LYZL2: variants seen among roughly 807,000 people sequenced by gnomAD.
LYZL2 encodes the protein lysozyme like 2.
In LYZL2, 13 loss-of-function variants were observed where a neutral mutation model predicts 17.1. The observed-to-expected ratio is 0.76, with a 90% CI of 0.49 to 1.21. The LOEUF (loss-of-function observed/expected upper bound fraction) is 1.21, where lower values mean the gene tolerates loss of function less well. Among genes scored for constraint, LYZL2 ranks in the 50% most tolerant of loss-of-function variants. LYZL2 has a pLI of 0.00. For missense variants in LYZL2, 166 were observed against 189.2 expected, an observed-to-expected ratio of 0.88 and a Z score of 0.72; for synonymous variants, 63 against 74.4, an observed-to-expected ratio of 0.85 and a Z score of 0.79.
At chr10:30,609,236 T>C (rs1838406552), downstream of LYZL2, among the ~76,000 whole-genome samples, 2 of 152,316 alleles carry the variant, frequency 1.3e-5, no homozygotes, top group Admixed American at 6.5e-5. Context: ...AGGCCTCAAG[T>C]AGCTTACAGG....
chr10:30,621,732 C>T (rs897729324), intron 3 of LYZL2, among the ~76,000 whole-genome samples: 2 of 152,018 alleles, frequency 1.3e-5, no homozygotes, highest in Non-Finnish European at 2.9e-5. Context: ...TACTCTAAAA[C>T]AAAACAAAAC....
downstream of LYZL2, among the ~76,000 whole-genome samples, chr10:30,609,488 A>G (rs1342974068): frequency 2.0e-5 from 3 of 152,246 alleles, no homozygotes. Context: ...AGACCAGACC[A>G]GAAAGCATCC....
intron 3 of LYZL2, among the ~76,000 whole-genome samples, chr10:30,623,149 A>G (rs1316345342): frequency 6.6e-6 from 1 of 152,240 alleles, no homozygotes; most frequent in African/African-American, 2.4e-5. Context: ...AGCTTCAAAA[A>G]TGGACGAGAC....
At chr10:30,625,439 A>G (rs887906154) in intron 3 of LYZL2, among the ~76,000 whole-genome samples, 1 of 152,120 alleles carries the variant, frequency 6.6e-6, no homozygotes, top group African/African-American at 2.4e-5. Context: ...AAGGTACAAG[A>G]GTGAAGTCAG....
intron 3 of LYZL2, among the ~76,000 whole-genome samples, chr10:30,622,236 G>A (rs559782363): frequency 1.8e-4 from 28 of 152,194 alleles, no homozygotes; most frequent in African/African-American, 6.5e-4. Flanking sequence ...AAACAAAATA[G>A]CAAGATGTAA....
At chr10:30,613,492 G>T (rs1838478988) in intron 3 of LYZL2, among the ~76,000 whole-genome samples, 3 of 125,308 alleles carry the variant, frequency 2.4e-5, no homozygotes, top group Admixed American at 8.1e-5. Context: ...GTGAGACTCT[G>T]TCTTAAGAAA....
At chr10:30,620,677 A>G (rs1357480640) in intron 3 of LYZL2, among the ~76,000 whole-genome samples, 3 of 152,250 alleles carry the variant, frequency 2.0e-5, no homozygotes, top group African/African-American at 7.2e-5. Context: ...GGCAAGACTC[A>G]GAAAGGACAG....
Position 30,621,431 on chromosome 10 carries a change from T to A in LYZL2, c.298+4674A>T, listed in dbSNP as rs1658085187. Among the ~76,000 whole-genome samples the A allele has an allele frequency of 2.0e-5, 3 of 148,096 alleles. No individual in the cohort carries two copies. The South Asian group carries it at 6.6e-4, about 33-fold the overall frequency. ...CCCATCTCCACAATTTTTTTTTTTT[T>A]AAATCAGCCAGGCATGGTGGCACGT... On this transcript the variant is annotated intron_variant, in intron 3 of 4. Transcript: ENST00000647634.
Position 30,626,202 on chromosome 10 carries a change from G to A in LYZL2, c.201C>T (p.Asp67=), listed in dbSNP as rs374503421. Residue 67 remains aspartate, a synonymous_variant, in exon 3 of 5, where the codon GAC becomes GAT. Transcript: ENST00000647634. ...GGAAGATGCCGTAGTCGATGCTGCC[G>A]TCATCCAGGACCGTCTGGGCTGTGG... ...YNTTAQTVLD[D]GSIDYGIFQI... 56 of 1,614,108 alleles carry A rather than the reference G, an allele frequency of 3.5e-5. No homozygotes were observed. The highest frequency in any genetic ancestry group is 4.0e-5 in the African/African-American group (3 of 74,940).
In LYZL2 at chr10:30,626,912, TCATCCTCAAAGC is replaced by T. The variant is rs1838721231; in HGVS notation, c.-9_3del. 6.2e-7 allele frequency: 1 copy of T among 1,613,186 alleles called. No homozygotes were observed. Among genetic ancestry groups the T allele is most frequent in the African/African-American group, 1.3e-5 (1 of 74,862 alleles). Reference sequence around the variant, plus strand: ...ATGAGGGTCAGAATGCCCGCAGCCTTCATCCTCAAAGCCTGCCGGAGACAGAACCTGCCAAAG... The same window carrying T: ...ATGAGGGTCAGAATGCCCGCAGCCTTCTGCCGGAGACAGAACCTGCCAAAG... On this transcript the variant is annotated start_lost and 5_prime_UTR_variant, in exon 2 of 5. Coordinates refer to ENST00000647634, the MANE Select transcript of LYZL2 (RefSeq NM_183058.3).
At chr10:30,612,097 C>T in intron 4 of LYZL2, 73 bp from the exon 5 acceptor site, 6 of 1,557,102 alleles carry the variant, frequency 3.9e-6, no homozygotes, top group South Asian at 1.1e-5. Context: ...TCAAAGTCTA[C>T]AGAAATTAAC....
chr10:30,622,209 T>C (rs1471178563), intron 3 of LYZL2, among the ~76,000 whole-genome samples: 1 of 151,994 alleles, frequency 6.6e-6, no homozygotes, highest in East Asian at 1.9e-4. Context: ...GAACCAAGAA[T>C]AGATGGCACA....
intron 3 of LYZL2, among the ~76,000 whole-genome samples, chr10:30,621,963 C>A (rs1481054464): frequency 6.6e-6 from 1 of 151,882 alleles, no homozygotes; most frequent in African/African-American, 2.4e-5. Flanking sequence ...AAATGCATGA[C>A]AATACAGCAC....
At chr10:30,616,784 C>T (rs1838534359) in intron 3 of LYZL2, among the ~76,000 whole-genome samples, 1 of 152,204 alleles carries the variant, frequency 6.6e-6, no homozygotes, top group Non-Finnish European at 1.5e-5. Flanking sequence ...CTGTTTTCCT[C>T]TGATTCCTTC....
intron 1 of LYZL2, 136 bp downstream of exon 1, chr10:30,629,457 G>T: frequency 8.2e-6 from 6 of 727,638 alleles, no homozygotes; most frequent in East Asian, 3.1e-5. Flanking sequence ...GCCTTAGAAT[G>T]TTAACTGATC....
chr10:30,619,497 A>G (rs1838586031), intron 3 of LYZL2, among the ~76,000 whole-genome samples: 1 of 152,302 alleles, frequency 6.6e-6, no homozygotes, highest in Admixed American at 6.5e-5. Context: ...CTATGCAGCC[A>G]TAAAAAAGGA....
At chr10:30,624,595 C>T (rs1838674982) in intron 3 of LYZL2, among the ~76,000 whole-genome samples, 1 of 152,174 alleles carries the variant, frequency 6.6e-6, no homozygotes, top group Non-Finnish European at 1.5e-5. Context: ...GTTTTCCAGC[C>T]AGGATTCTTT....
intron 3 of LYZL2, among the ~76,000 whole-genome samples, chr10:30,618,655 C>T (rs1046950936): frequency 1.3e-5 from 2 of 152,182 alleles, no homozygotes; most frequent in Non-Finnish European, 2.9e-5. Context: ...CCCTTCCTTA[C>T]ACCTTATACA....
intron 1 of LYZL2, among the ~76,000 whole-genome samples, chr10:30,628,338 C>T (rs559029562): frequency 2.0e-5 from 3 of 152,126 alleles, no homozygotes; most frequent in African/African-American, 4.8e-5. Context: ...GTGCTCCGGG[C>T]GGCCTCCTAA....
Sources: allele counts gnomAD v4.1 joint callset (sites outside exome capture counted in the v4.1 genomes callset), GRCh38; gene constraint gnomAD v4.1.1; transcripts MANE v1.5; gene names NCBI Gene and HGNC (gene_info 2026-07-23, HGNC 2026-07-21).